The following LPAR1 variants were observed in gnomAD, a reference collection of about 807,000 sequenced individuals.
The protein encoded by LPAR1 is lysophosphatidic acid receptor 1.
In LPAR1, 5 loss-of-function variants were observed where a neutral mutation model predicts 23.8. The ratio of observed to expected loss-of-function variants is 0.21; its 90% CI spans 0.11 to 0.44. The LOEUF is 0.44. Among genes scored for constraint, LPAR1 ranks in the 20% least tolerant of loss-of-function variants. The pLI is 0.99. For missense variants in LPAR1, 311 were observed against 482.8 expected (o/e 0.64, Z 3.33); for synonymous variants, 160 against 164.7 (o/e 0.97, Z 0.22).
Position 110,999,016 on chromosome 9 carries a change from A to G in LPAR1, c.-181-25458T>C, listed in dbSNP as rs115870406. On this transcript the variant is annotated intron_variant, in intron 2 of 5. Transcript: ENST00000683809. The stretch of plus-strand genomic sequence containing the variant: ...TCTGGATGGCTGTATCAATCCTCTT[A>G]GGAAACATTAAAGTTTAAAATCTTC... 4.0e-3 allele frequency among the ~76,000 whole-genome samples: 604 copies of G among 152,336 alleles called. 5 individuals carry two copies. The highest frequency in any genetic ancestry group is 0.014 in the African/African-American group (565 of 41,576).
At chr9:110,923,179 G>A (rs1000037000) in intron 5 of LPAR1, among the ~76,000 whole-genome samples, 2 of 152,054 alleles carry the variant, frequency 1.3e-5, no homozygotes, top group Non-Finnish European at 2.9e-5. Context: ...GATTAATTCA[G>A]GGACTTTAGA....
intron 2 of LPAR1, among the ~76,000 whole-genome samples, chr9:110,990,325 C>A (rs1188402114): frequency 1.3e-5 from 2 of 152,010 alleles, no homozygotes; most frequent in African/African-American, 4.8e-5. Context: ...AAATCTGTAC[C>A]AATATAGACC....
intron 5 of LPAR1, among the ~76,000 whole-genome samples, chr9:110,889,737 T>C (rs1238149141): frequency 6.6e-6 from 1 of 152,248 alleles, no homozygotes; most frequent in Non-Finnish European, 1.5e-5. Flanking sequence ...TAGCATATTG[T>C]GGTTACAAAA....
intron 5 of LPAR1, among the ~76,000 whole-genome samples, chr9:110,882,742 G>A (rs556532977): frequency 2.0e-5 from 3 of 151,018 alleles, no homozygotes; most frequent in Admixed American, 6.6e-5. Context: ...AGTAGGGGAC[G>A]GTGCTTTGGT....
Position 110,875,384 on chromosome 9 carries a change from A to G in LPAR1, c.*37T>C, listed in dbSNP as rs2078832487. 1.9e-6 allele frequency: 3 copies of G among 1,566,912 alleles called. No individual in the cohort carries two copies. The highest frequency in any genetic ancestry group is 2.7e-5 in the African/African-American group (2 of 73,958). ...GGTAGGGGGAGGCTGTTTATCCTCC[A>G]AGAGAGGACGGCTGGTTCCTCATCT... On this transcript the variant is annotated 3_prime_UTR_variant, in exon 6 of 6. Coordinates refer to ENST00000683809, the MANE Select transcript of LPAR1 (RefSeq NM_001351411.2).
rs1167070374 is a variant in LPAR1 at position 110,892,826 on chromosome 9, AAGGC to A, written c.794-17108_794-17105del. 6.3e-4 allele frequency among the ~76,000 whole-genome samples: 41 copies of A among 65,456 alleles called. 1 individual carries two copies. Among genetic ancestry groups the A allele is most frequent in the South Asian group, 1.3e-3 (2 of 1,558 alleles). 42.9% of individuals were successfully genotyped at this position (65,456 alleles called of 152,430 possible). On this transcript the variant is annotated intron_variant, in intron 5 of 5. Coordinates refer to ENST00000683809, the MANE Select transcript of LPAR1 (RefSeq NM_001351411.2). ...GAAGGAAGGAAGGAAGGAAGGAAGG[AAGGC>A]AGGCAGGCAGGCAGGCAGGCAGGCA...
chr9:110,916,229 C>A (rs2093075279), intron 5 of LPAR1, among the ~76,000 whole-genome samples: 1 of 152,190 alleles, frequency 6.6e-6, no homozygotes, highest in African/African-American at 2.4e-5. Flanking sequence ...GATGGGACTG[C>A]CTGTATTTTA....
intron 5 of LPAR1, among the ~76,000 whole-genome samples, chr9:110,903,904 A>AAAAG (rs2090281071): frequency 6.8e-6 from 1 of 146,086 alleles, no homozygotes; most frequent in African/African-American, 2.6e-5. Flanking sequence ...AAAAAAAAAA[A>AAAAG]GTCTTGAAAG....
intron 5 of LPAR1, among the ~76,000 whole-genome samples, chr9:110,940,913 T>C (rs1329005583): frequency 6.6e-6 from 1 of 152,172 alleles, no homozygotes; most frequent in Non-Finnish European, 1.5e-5. Flanking sequence ...TCAGAGAATA[T>C]CATTAATTCC....
chr9:111,034,060 G>C (rs1458219234), intron 2 of LPAR1, among the ~76,000 whole-genome samples: 1 of 152,310 alleles, frequency 6.6e-6, no homozygotes, highest in East Asian at 1.9e-4. Flanking sequence ...AAGATAATGA[G>C]TTAAATGCTT....
At chr9:111,010,645 C>T (rs1397314647) in intron 2 of LPAR1, among the ~76,000 whole-genome samples, 1 of 152,122 alleles carries the variant, frequency 6.6e-6, no homozygotes, top group Non-Finnish European at 1.5e-5. Flanking sequence ...AAACCCACAT[C>T]AGACAATTTT....
At chr9:111,029,787 G>A (rs909802111) in intron 2 of LPAR1, among the ~76,000 whole-genome samples, 5 of 151,602 alleles carry the variant, frequency 3.3e-5, no homozygotes, top group Non-Finnish European at 7.4e-5. Flanking sequence ...ACGGTGGCTT[G>A]GGCCTGTAAA....
At chr9:110,892,107 G>C (rs1355516412) in intron 5 of LPAR1, among the ~76,000 whole-genome samples, 1 of 152,188 alleles carries the variant, frequency 6.6e-6, no homozygotes, top group Admixed American at 6.5e-5. Context: ...CAAAATATTT[G>C]TAATAGTCAG....
chr9:110,922,832 A>G (rs973378894), intron 5 of LPAR1, among the ~76,000 whole-genome samples: 62 of 147,060 alleles, frequency 4.2e-4, no homozygotes, highest in African/African-American at 1.5e-3. Flanking sequence ...TTATATTATT[A>G]TTATTATTAT....
At chr9:110,998,910 A>G (rs2097075355) in intron 2 of LPAR1, among the ~76,000 whole-genome samples, 1 of 152,212 alleles carries the variant, frequency 6.6e-6, no homozygotes, top group Non-Finnish European at 1.5e-5. Flanking sequence ...AGGCATAAGG[A>G]TGTGGACACA....
intron 2 of LPAR1, among the ~76,000 whole-genome samples, chr9:111,006,365 A>C (rs2097218454): frequency 6.6e-6 from 1 of 152,200 alleles, no homozygotes; most frequent in African/African-American, 2.4e-5. Flanking sequence ...AGAAACATAC[A>C]AAATGTTGGG....
At chr9:111,003,398 G>A (rs1247820610) in intron 2 of LPAR1, among the ~76,000 whole-genome samples, 1 of 152,106 alleles carries the variant, frequency 6.6e-6, no homozygotes, top group East Asian at 1.9e-4. Context: ...AGTGAGACCA[G>A]CAGGGTGGCA....
At chr9:110,923,576 C>A (rs2093791347) in intron 5 of LPAR1, among the ~76,000 whole-genome samples, 1 of 152,182 alleles carries the variant, frequency 6.6e-6, no homozygotes. Flanking sequence ...GTATTAAATG[C>A]ATTTTCAACT....
At chr9:110,931,864 C>T (rs2094439591) in intron 5 of LPAR1, among the ~76,000 whole-genome samples, 1 of 152,178 alleles carries the variant, frequency 6.6e-6, no homozygotes, top group Non-Finnish European at 1.5e-5. Flanking sequence ...GGGCTCTGTT[C>T]TGTTCCATTG....
Sources: allele counts gnomAD v4.1 joint callset (sites outside exome capture counted in the v4.1 genomes callset), GRCh38; gene constraint gnomAD v4.1.1; transcripts MANE v1.5; gene names NCBI Gene and HGNC (gene_info 2026-07-23, HGNC 2026-07-21).